The following PDE10A variants were observed in gnomAD, a reference collection of about 807,000 sequenced individuals.
The protein encoded by PDE10A is cAMP and cAMP-inhibited cGMP 3',5'-cyclic phosphodiesterase 10A.
PDE10A carries 39 observed loss-of-function variants against 97.7 expected under a neutral mutation model. The observed-to-expected ratio is 0.40, with a 90% CI of 0.31 to 0.52. PDE10A has a LOEUF of 0.52. PDE10A is among the 20% of genes least tolerant of loss of function. The pLI is 0.56. For missense variants in PDE10A, 731 were observed against 1,047.8 expected (o/e 0.70, Z 4.17); for synonymous variants, 371 against 376.8 (o/e 0.98, Z 0.18).
intron 1 of PDE10A, among the ~76,000 whole-genome samples, chr6:165,751,963 C>T (rs1370728883): frequency 6.6e-6 from 1 of 151,496 alleles, no homozygotes; most frequent in African/African-American, 2.4e-5. Flanking sequence ...CATGGTGAAA[C>T]CCCATGTCTA....
chr6:165,529,846 C>T (rs1160532576), intron 2 of PDE10A, among the ~76,000 whole-genome samples: 1 of 151,926 alleles, frequency 6.6e-6, no homozygotes, highest in Admixed American at 6.6e-5. Flanking sequence ...TCGCAGGAGA[C>T]GTGTATGGGT....
intron 18 of PDE10A, among the ~76,000 whole-genome samples, chr6:165,367,525 C>T (rs1052149234): frequency 2.6e-5 from 4 of 151,988 alleles, no homozygotes; most frequent in African/African-American, 9.7e-5. Flanking sequence ...CTTCTCCAAA[C>T]TTCACTGAAA....
chr6:165,973,833 T>C (rs1784771264), intron 1 of PDE10A, among the ~76,000 whole-genome samples: 1 of 152,258 alleles, frequency 6.6e-6, no homozygotes, highest in Non-Finnish European at 1.5e-5. Context: ...TATTCCTTTA[T>C]CACAATTCAT....
intron 1 of PDE10A, among the ~76,000 whole-genome samples, chr6:165,830,893 T>A (rs1259189191): frequency 6.6e-6 from 1 of 152,194 alleles, no homozygotes; most frequent in East Asian, 1.9e-4. Flanking sequence ...TTAACATCCA[T>A]GATTGCATCA....
intron 18 of PDE10A, among the ~76,000 whole-genome samples, chr6:165,371,076 A>C (rs1784209798): frequency 6.7e-6 from 1 of 148,726 alleles, no homozygotes; most frequent in African/African-American, 2.5e-5. Flanking sequence ...ACACATTCAA[A>C]GCAGTGTGTA....
At chr6:165,413,905 G>T (rs552747106) in intron 12 of PDE10A, among the ~76,000 whole-genome samples, 103 of 152,046 alleles carry the variant, frequency 6.8e-4, no homozygotes, top group South Asian at 5.0e-3. Flanking sequence ...TGGTTCTTTT[G>T]TCTCCAAGTG....
intron 3 of PDE10A, among the ~76,000 whole-genome samples, chr6:165,458,795 C>T (rs1778118248): frequency 1.3e-5 from 2 of 152,100 alleles, no homozygotes; most frequent in African/African-American, 4.8e-5. Flanking sequence ...AAAGAACATT[C>T]CCTTACAAGT....
intron 5 of PDE10A, 84 bp from the exon 6 acceptor site, chr6:165,435,461 A>G: frequency 1.7e-6 from 2 of 1,161,890 alleles, no homozygotes; most frequent in Non-Finnish European, 1.2e-6. Flanking sequence ...AACAGTCATA[A>G]TAAATCTGTG....
chr6:165,403,207 T>A (rs547918197), intron 13 of PDE10A, among the ~76,000 whole-genome samples: 5 of 152,200 alleles, frequency 3.3e-5, no homozygotes, highest in Admixed American at 6.5e-5. Flanking sequence ...TTATCTTAGA[T>A]GGGTATCAGC....
At chr6:165,428,100 C>T (rs1431297442) in intron 10 of PDE10A, among the ~76,000 whole-genome samples, 4 of 152,044 alleles carry the variant, frequency 2.6e-5, no homozygotes, top group African/African-American at 9.7e-5. Flanking sequence ...TATTAAAGCA[C>T]ATAACAGGGC....
chr6:165,820,497 CTTCCTGGTT>C (rs1325741134), intron 1 of PDE10A, among the ~76,000 whole-genome samples: 2 of 152,184 alleles, frequency 1.3e-5, no homozygotes, highest in Non-Finnish European at 1.5e-5. Context: ...AACCTTGAAT[CTTCCTGGTT>C]TATCCAAGTT....
At chr6:165,737,658 G>T (rs114705215) in intron 1 of PDE10A, among the ~76,000 whole-genome samples, 132 of 152,308 alleles carry the variant, frequency 8.7e-4, no homozygotes, top group African/African-American at 2.9e-3. Flanking sequence ...TGGTATAGAA[G>T]AAATGTACCT....
At position 165,331,140 on chromosome 6, in the gene PDE10A, C is replaced by T. The variant is rs1160249149; in HGVS notation, c.*1885G>A. 1 of 152,084 alleles carries T rather than the reference C, an allele frequency of 6.6e-6. No individual in the cohort carries two copies. The highest frequency in any genetic ancestry group is 1.9e-4 in the East Asian group (1 of 5,200). The allele number at this position is 152,084 out of a possible 1,614,324, so 9.4% of individuals were successfully genotyped here. ...TGTATGTGTATGTATCATATATACA[C>T]ATATGTATACGTTTACATACATGAG... On this transcript the variant is annotated 3_prime_UTR_variant, in exon 22 of 22. Transcript: ENST00000539869.
chr6:165,626,455 T>G (rs982183876), intron 1 of PDE10A, among the ~76,000 whole-genome samples: 1 of 152,092 alleles, frequency 6.6e-6, no homozygotes, highest in East Asian at 1.9e-4. Context: ...ATTTTCTGAG[T>G]TAATAAGTAA....
At chr6:165,980,391 G>A (rs1387869236) in intron 1 of PDE10A, among the ~76,000 whole-genome samples, 1 of 86,538 alleles carries the variant, frequency 1.2e-5, no homozygotes, top group African/African-American at 3.6e-5. Context: ...GGTTGCTTAT[G>A]AAAGCTTTAT....
chr6:165,958,460 AAAAGAAAG>A (rs58327980), intron 1 of PDE10A, among the ~76,000 whole-genome samples: 8 of 117,508 alleles, frequency 6.8e-5, no homozygotes, highest in East Asian at 2.6e-4. Context: ...GAGAGAAAAC[AAAAGAAAG>A]AAAGAAAGAA....
chr6:165,445,855 C>G (rs187243736), intron 5 of PDE10A, among the ~76,000 whole-genome samples: 6 of 149,062 alleles, frequency 4.0e-5, no homozygotes, highest in Admixed American at 6.7e-5. Flanking sequence ...TCGAGAGTAT[C>G]CATTTAAGAG....
intron 14 of PDE10A, 85 bp downstream of exon 14, chr6:165,396,232 G>T: frequency 1.6e-6 from 2 of 1,257,970 alleles, no homozygotes; most frequent in East Asian, 4.7e-5. Flanking sequence ...TAATAATTGT[G>T]ACTCTAATTC....
At chr6:165,623,670 G>A (rs1168758787) in intron 1 of PDE10A, among the ~76,000 whole-genome samples, 1 of 152,134 alleles carries the variant, frequency 6.6e-6, no homozygotes, top group African/African-American at 2.4e-5. Flanking sequence ...CTCACACTGT[G>A]GGGTCACCAG....
Sources: gnomAD v4.1 joint callset for allele counts (sites outside exome capture counted in the v4.1 genomes callset) on GRCh38, gnomAD v4.1.1 for gene constraint, MANE v1.5 for transcripts, NCBI Gene and HGNC (gene_info 2026-07-23, HGNC 2026-07-21) for gene names.